The following TIE1 variants were observed in gnomAD, a reference collection of about 807,000 sequenced individuals.
TIE1 encodes the protein tyrosine-protein kinase receptor Tie-1.
A neutral mutation model predicts 130.5 loss-of-function variants in TIE1; 89 were observed. The observed-to-expected ratio is 0.68, with a 90% CI of 0.57 to 0.81. The LOEUF (loss-of-function observed/expected upper bound fraction) is 0.81, where lower values mean the gene tolerates loss of function less well. Ranked by LOEUF, TIE1 falls within the 40% of genes least tolerant of loss-of-function variation. The pLI, the probability that TIE1 is intolerant of heterozygous loss-of-function variation, is 0.00. For missense variants in TIE1, 1,392 were observed against 1,559.8 expected (o/e 0.89, Z 1.81); for synonymous variants, 568 against 629.4 (o/e 0.90, Z 1.46).
In TIE1 at chr1:43,309,177, C is replaced by A; in HGVS notation, c.1188+46C>A. 6.4e-7 allele frequency: 1 copy of A among 1,552,676 alleles called. No homozygotes were observed. The highest frequency in any genetic ancestry group is 8.7e-7 in the Non-Finnish European group (1 of 1,147,784). ...ACCCACCAGCCCCTCAGGCCGCCTG[C>A]TTCACAGCTGATCCCTAAGACCCCC... On this transcript the variant is annotated intron_variant, in intron 8 of 22. Transcript: ENST00000372476. The surrounding 1 kb of genome is among the most constrained non-coding windows in gnomAD (Gnocchi z 6.3).
At position 43,312,039 on chromosome 1, in the gene TIE1, C is replaced by T. The variant is rs1248306989; in HGVS notation, c.1538C>T (p.Thr513Ile). 2 of 1,607,450 alleles carry T rather than the reference C, an allele frequency of 1.2e-6. No homozygotes were observed. Among genetic ancestry groups the T allele is most frequent in the Non-Finnish European group, 1.7e-6 (2 of 1,175,684 alleles). ...ACGTTAATGAACCTGAGGCCAAAGA[C>T]AGGATACAGTGTTCGTGTGCAGCTG... ...NVTLMNLRPK[T>I]GYSVRVQLSR... The change falls in exon 11 of 23, where the codon ACA becomes ATA. Residue 513 changes from threonine to isoleucine, a missense_variant. This residue lies in a region of TIE1 where 551 missense variants were observed against 565.5 expected (regional missense o/e 0.97). Transcript: ENST00000372476. This position sits in a 1 kb window ranked among gnomAD's most constrained non-coding sequence, Gnocchi z 5.6.
chr1:43,310,479 C>T (rs944451782), intron 9 of TIE1, among the ~76,000 whole-genome samples: 1 of 152,110 alleles, frequency 6.6e-6, no homozygotes, highest in Non-Finnish European at 1.5e-5. Context: ...GCACAGTGCC[C>T]GATACAGGGT....
intron 14 of TIE1, chr1:43,314,191 T>C: frequency 1.4e-6 from 1 of 719,234 alleles, no homozygotes. Context: ...AGTGGTGAAA[T>C]ATTTAATATT....
Position 43,322,260 on chromosome 1 carries a change from A to C in TIE1, c.3346-391A>C, listed in dbSNP as rs1168341174. On this transcript the variant is annotated intron_variant, in intron 22 of 22. Coordinates refer to ENST00000372476, the MANE Select transcript of TIE1 (RefSeq NM_005424.5). The surrounding 1 kb of genome is among the most constrained non-coding windows in gnomAD (Gnocchi z 4.0). ...AATATATCAAAATTAGTAAATATGA[A>C]GAGTTCTTCAAGTAAATTAATGATT... Among the ~76,000 whole-genome samples, 1 of 152,266 alleles carries C rather than the reference A, an allele frequency of 6.6e-6. No homozygotes were observed. Among genetic ancestry groups the C allele is most frequent in the African/African-American group, 2.4e-5 (1 of 41,472 alleles).
At position 43,309,200 on chromosome 1, in the gene TIE1, C is replaced by T; in HGVS notation, c.1188+69C>T. 1 of 1,531,698 alleles carries T rather than the reference C, an allele frequency of 6.5e-7. No individual in the cohort carries two copies. Among genetic ancestry groups the T allele is most frequent in the Non-Finnish European group, 8.8e-7 (1 of 1,138,588 alleles). 94.9% of individuals were successfully genotyped at this position (1,531,698 alleles called of 1,614,324 possible). A position where few individuals can be genotyped will look rare whatever the true frequency, so the allele number is the denominator to read the frequency against. On this transcript the variant is annotated intron_variant, in intron 8 of 22. Transcript: ENST00000372476. This position sits in a 1 kb window ranked among gnomAD's most constrained non-coding sequence, Gnocchi z 6.3. Reference sequence around the variant, plus strand: ...TGCTTCACAGCTGATCCCTAAGACCCCCTAGTCCCTCAGAACTTTCTGCAG... The same window carrying T: ...TGCTTCACAGCTGATCCCTAAGACCTCCTAGTCCCTCAGAACTTTCTGCAG...
chr1:43,309,096 A>T lies in TIE1; in HGVS notation c.1153A>T (p.Ile385Leu). 1 of 1,612,438 alleles carries T rather than the reference A, an allele frequency of 6.2e-7. No homozygotes were observed. The highest frequency in any genetic ancestry group is 8.5e-7 in the Non-Finnish European group (1 of 1,178,912). The change falls in exon 8 of 23, where the codon ATA (isoleucine) becomes TTA (leucine). Residue 385 changes from isoleucine to leucine, a missense_variant. By Grantham distance (5) the Ile-to-Leu change is conservative (BLOSUM62 2). This residue lies in a region of TIE1 where 551 missense variants were observed against 565.5 expected (regional missense o/e 0.97). Coordinates refer to ENST00000372476, the MANE Select transcript of TIE1 (RefSeq NM_005424.5). This position sits in a 1 kb window ranked among gnomAD's most constrained non-coding sequence, Gnocchi z 6.3. ...AGNPFPVRGS[I>L]ELRKPDGTVL... Reference sequence around the variant, plus strand: ...GAACCCCTTCCCCGTGCGGGGCAGCATAGAGCTACGCAAGCCAGACGGCAC... The same window carrying T: ...GAACCCCTTCCCCGTGCGGGGCAGCTTAGAGCTACGCAAGCCAGACGGCAC...
rs568461604 is a variant in TIE1 at position 43,311,988 on chromosome 1, G to A, written c.1493-6G>A. On this transcript the variant is annotated splice_polypyrimidine_tract_variant and splice_region_variant and intron_variant, in intron 10 of 22. Coordinates refer to ENST00000372476, the MANE Select transcript of TIE1 (RefSeq NM_005424.5). ...GAATAATGTGTGCTTTACACCCCACGCCCAGTGGACCCCAGTGAGAACGTG... is the reference window on the plus strand; with the variant it reads ...GAATAATGTGTGCTTTACACCCCACACCCAGTGGACCCCAGTGAGAACGTG... 52 of 1,580,290 alleles carry A rather than the reference G, an allele frequency of 3.3e-5. No homozygotes were observed. Among genetic ancestry groups the A allele is most frequent in the South Asian group, 7.0e-5 (6 of 85,922 alleles).
At position 43,316,332 on chromosome 1, in the gene TIE1, T is replaced by G. The variant is rs930940002; in HGVS notation, c.2410-867T>G. 5.3e-5 allele frequency among the ~76,000 whole-genome samples: 8 copies of G among 152,216 alleles called. No homozygotes were observed. Among genetic ancestry groups the G allele is most frequent in the African/African-American group, 1.9e-4 (8 of 41,440 alleles). ...ATGTGCCGTCAGCACCAGTGCTTCTTGCAAATCCCTGGGCCCCAGGTCCTC... is the reference window on the plus strand; with the variant it reads ...ATGTGCCGTCAGCACCAGTGCTTCTGGCAAATCCCTGGGCCCCAGGTCCTC... On this transcript the variant is annotated intron_variant, in intron 14 of 22. Transcript: ENST00000372476. This position sits in a 1 kb window ranked among gnomAD's most constrained non-coding sequence, Gnocchi z 4.4.
Position 43,304,933 on chromosome 1 carries a change from G to T in TIE1, c.141G>T (p.Glu47Asp). Reference protein sequence around the residue: ...QRFFLTCVSGEAGAGRGSDAW... With the variant: ...QRFFLTCVSGDAGAGRGSDAW... ...TCTTCCTGACTTGCGTGTCTGGGGA[G>T]GCCGGGGCGGGGAGGGGCTCGGACG... The change falls in exon 2 of 23, where the codon GAG becomes GAT. Residue 47 changes from glutamate (E) to aspartate (D), a missense_variant. Physicochemically the swap from Glu to Asp is conservative, Grantham distance 45. Coordinates refer to ENST00000372476, the MANE Select transcript of TIE1 (RefSeq NM_005424.5). 1 of 1,445,900 alleles carries T rather than the reference G, an allele frequency of 6.9e-7. No homozygotes were observed. The highest frequency in any genetic ancestry group is 9.1e-7 in the Non-Finnish European group (1 of 1,103,768). The allele number at this position is 1,445,900 out of a possible 1,614,324, so 89.6% of individuals were successfully genotyped here. A position where few individuals can be genotyped will look rare whatever the true frequency, so the allele number is the denominator to read the frequency against.
At position 43,306,725 on chromosome 1, in the gene TIE1, T is replaced by C; in HGVS notation, c.485-115T>C. On this transcript the variant is annotated intron_variant, in intron 3 of 22. Coordinates refer to ENST00000372476, the MANE Select transcript of TIE1 (RefSeq NM_005424.5). This position sits in a 1 kb window ranked among gnomAD's most constrained non-coding sequence, Gnocchi z 4.9. ...GCATAGGCTCTCGTGGTGCCGGCCC[T>C]AGGTCTCATCACTGTGCATGGGGCT... is the stretch of plus-strand genomic sequence containing the variant. The C allele has an allele frequency of 7.4e-7, 1 of 1,359,542 alleles. No homozygotes were observed. Among genetic ancestry groups the C allele is most frequent in the Non-Finnish European group, 1.0e-6 (1 of 1,003,264 alleles). 84.2% of individuals were successfully genotyped at this position (1,359,542 alleles called of 1,614,324 possible).
In TIE1 at chr1:43,322,141, G is replaced by T. The variant is rs921024738; in HGVS notation, c.3345+426G>T. On this transcript the variant is annotated intron_variant, in intron 22 of 22. Coordinates refer to ENST00000372476, the MANE Select transcript of TIE1 (RefSeq NM_005424.5). The surrounding 1 kb of genome is among the most constrained non-coding windows in gnomAD (Gnocchi z 4.0). ...GTATGAATGAATGAATGGAATTAGT[G>T]GATAGATGATACAATAATCATATGA... 6.6e-6 allele frequency among the ~76,000 whole-genome samples: 1 copy of T among 152,002 alleles called. No homozygotes were observed. Among genetic ancestry groups the T allele is most frequent in the Non-Finnish European group, 1.5e-5 (1 of 68,020 alleles).
rs144340449 is a variant in TIE1 at position 43,307,163 on chromosome 1, G to A, written c.662G>A (p.Gly221Glu). The A allele has an allele frequency of 1.1e-5, 18 of 1,614,082 alleles. No homozygotes were observed. In the African/African-American group the frequency reaches 1.7e-4, roughly 16 times the overall value. Residue 221 changes from glycine (G) to glutamate (E), a missense_variant, in exon 5 of 23, where the codon GGG (glycine) becomes GAG (glutamate). Gly to Glu is a moderately conservative substitution (Grantham distance 98). Transcript: ENST00000372476. This position sits in a 1 kb window ranked among gnomAD's most constrained non-coding sequence, Gnocchi z 5.4. ...CCAGGTTGTGGGGCTGGGCGCTGGG[G>A]GCCAGGCTGTACCAAGGAGTGCCCA... is the stretch of plus-strand genomic sequence containing the variant. ...IVRGCGAGRW[G>E]PGCTKECPGC... is the part of the protein sequence containing the mutation.
intron 19 of TIE1, chr1:43,320,830 G>C (rs1198635280): frequency 6.6e-6 from 1 of 152,218 alleles, no homozygotes; most frequent in Non-Finnish European, 1.5e-5. Context: ...ACTCCAGCCT[G>C]GGCGACAGAG....
In TIE1 at chr1:43,301,016, C is replaced by G; in HGVS notation, c.-56C>G. 1 of 1,598,112 alleles carries G rather than the reference C, an allele frequency of 6.3e-7. No homozygotes were observed. On this transcript the variant is annotated 5_prime_UTR_variant, in exon 1 of 23. Transcript: ENST00000372476. ...AACACAGGCTGAGCAGTCAGGCCCA[C>G]AGCATCTGACCCCAGGCCCAGCTCG... is the stretch of plus-strand genomic sequence containing the variant.
In TIE1 at chr1:43,323,085, A is replaced by T. The variant is rs1227109654; in HGVS notation, c.*363A>T. On this transcript the variant is annotated 3_prime_UTR_variant, in exon 23 of 23. Coordinates refer to ENST00000372476, the MANE Select transcript of TIE1 (RefSeq NM_005424.5). ...CACTCCCGGCCTGTCATTCAGAAAA[A>T]AATAAATGTTCTAATAAGCTCCATT... 4.8e-6 allele frequency: 1 copy of T among 210,296 alleles called. No individual in the cohort carries two copies. Among genetic ancestry groups the T allele is most frequent in the African/African-American group, 2.3e-5 (1 of 43,768 alleles). 13.0% of individuals were successfully genotyped at this position (210,296 alleles called of 1,614,324 possible). A position where few individuals can be genotyped will look rare whatever the true frequency, so the allele number is the denominator to read the frequency against.
chr1:43,313,780 C>T lies in TIE1; in HGVS notation c.2221C>T (p.Leu741=). ...TVEESTLGNG[L]QAEGPVQESR... The stretch of plus-strand genomic sequence containing the variant: ...TCTGCCCCTCTCACTGTGTCCAGGG[C>T]TGCAGGCTGAGGGCCCAGTCCAAGA... Residue 741 remains leucine, a splice_region_variant and synonymous_variant, in exon 14 of 23, where the codon CTG becomes TTG. Coordinates refer to ENST00000372476, the MANE Select transcript of TIE1 (RefSeq NM_005424.5). The surrounding 1 kb of genome is among the most constrained non-coding windows in gnomAD (Gnocchi z 6.2). 1 of 1,611,188 alleles carries T rather than the reference C, an allele frequency of 6.2e-7. No homozygotes were observed. Among genetic ancestry groups the T allele is most frequent in the South Asian group, 1.1e-5 (1 of 90,624 alleles).
chr1:43,308,712 C>T (rs1409224010), intron 7 of TIE1, among the ~76,000 whole-genome samples: 1 of 152,006 alleles, frequency 6.6e-6, no homozygotes, highest in African/African-American at 2.4e-5. Context: ...AATGATGAGG[C>T]CTGAGCTAGT....
chr1:43,314,250 C>G (rs1467970097), intron 14 of TIE1: 3 of 726,786 alleles, frequency 4.1e-6, no homozygotes, highest in Non-Finnish European at 6.1e-6. Context: ...ATGGACATTC[C>G]AGTTTTGGGC....
rs370918317 is a variant in TIE1 at position 43,317,630 on chromosome 1, A to T, written c.2687A>T (p.His896Leu). 3 of 1,606,934 alleles carry T rather than the reference A, an allele frequency of 1.9e-6. No homozygotes were observed. The highest frequency in any genetic ancestry group is 2.6e-6 in the Non-Finnish European group (3 of 1,175,550). The change falls in exon 16 of 23, where the codon CAT (histidine) becomes CTT (leucine). Residue 896 changes from histidine (H) to leucine (L), a missense_variant. This residue lies in a region of TIE1 where 286 missense variants were observed against 354.4 expected (regional missense o/e 0.81). Coordinates refer to ENST00000372476, the MANE Select transcript of TIE1 (RefSeq NM_005424.5). The surrounding 1 kb of genome is among the most constrained non-coding windows in gnomAD (Gnocchi z 5.1). Reference sequence around the variant, plus strand: ...CTGGAAGTTCTGTGCAAATTGGGGCATCACCCCAACATCATCAACCTCCTG... The same window carrying T: ...CTGGAAGTTCTGTGCAAATTGGGGCTTCACCCCAACATCATCAACCTCCTG... ...GELEVLCKLG[H>L]HPNIINLLGA...
Sources: gnomAD v4.1 joint callset for allele counts (sites outside exome capture counted in the v4.1 genomes callset) on GRCh38, gnomAD v4.1.1 for gene constraint, gnomAD v4.1.1 regional missense constraint, Gnocchi (gnomAD v3.1) non-coding constraint, MANE v1.5 for transcripts, NCBI Gene and HGNC (gene_info 2026-07-23, HGNC 2026-07-21) for gene names.